Variants in PDE2A observed in about 807,000 individuals in gnomAD.
PDE2A encodes cGMP-dependent 3',5'-cyclic phosphodiesterase.
A neutral mutation model predicts 133.6 loss-of-function variants in PDE2A; 53 were observed. That is an observed-to-expected ratio of 0.40 (90% confidence interval 0.32 to 0.50). PDE2A has a LOEUF of 0.50. Among genes scored for constraint, PDE2A ranks in the 20% least tolerant of loss-of-function variants. The pLI is 0.73. For synonymous variants in PDE2A, 491 were observed against 490.2 expected (o/e 1.00, Z -0.02); for missense variants, 796 against 1,232.4 (o/e 0.65, Z 5.30).
chr11:72,595,455 G>A (rs534713284), intron 6 of PDE2A, among the ~76,000 whole-genome samples: 4 of 152,090 alleles, frequency 2.6e-5, no homozygotes, highest in East Asian at 1.9e-4. Flanking sequence ...ACCAAGCAGC[G>A]GCCTTGGCTC....
chr11:72,604,172 G>A (rs1045871275), intron 4 of PDE2A, among the ~76,000 whole-genome samples: 3 of 152,348 alleles, frequency 2.0e-5, no homozygotes, highest in Non-Finnish European at 2.9e-5. Context: ...TCAGTGCTTA[G>A]CAGGCAATGG....
intron 4 of PDE2A, among the ~76,000 whole-genome samples, chr11:72,600,291 G>C (rs1479669875): frequency 6.6e-6 from 1 of 152,182 alleles, no homozygotes; most frequent in Non-Finnish European, 1.5e-5. Context: ...GTCTCAGTGA[G>C]GGTCCTATCA....
intron 1 of PDE2A, among the ~76,000 whole-genome samples, chr11:72,659,912 T>C (rs552153379): frequency 6.6e-6 from 1 of 152,194 alleles, no homozygotes; most frequent in South Asian, 2.1e-4. Flanking sequence ...AAGCATCCCT[T>C]CCCCTGCCTG....
intron 2 of PDE2A, among the ~76,000 whole-genome samples, chr11:72,629,796 G>A (rs1261822028): frequency 6.6e-6 from 1 of 152,186 alleles, no homozygotes; most frequent in African/African-American, 2.4e-5. Context: ...CTTGCTGAAT[G>A]ATCCCTCTGG....
chr11:72,584,418 TC>T, intron 18 of PDE2A, 105 bp from the exon 19 acceptor site: 1 of 1,266,530 alleles, frequency 7.9e-7, no homozygotes, highest in Non-Finnish European at 1.1e-6. Flanking sequence ...GTTACGTACG[TC>T]CCAGGCATGG....
intron 13 of PDE2A, 143 bp from the exon 14 acceptor site, chr11:72,586,324 C>A (rs779755910): frequency 4.7e-6 from 3 of 635,508 alleles, no homozygotes; most frequent in Non-Finnish European, 8.6e-6. Context: ...GGAACAGCTT[C>A]CCACCCCCAT....
In PDE2A at chr11:72,674,242, G is replaced by A. The variant is rs967138209; in HGVS notation, c.-35C>T. On this transcript the variant is annotated 5_prime_UTR_variant, in exon 1 of 31. Coordinates refer to ENST00000334456, the MANE Select transcript of PDE2A (RefSeq NM_002599.5). ...TCGTCCGCCTCCCCAGCCAGACTAA[G>A]GTGGCACCTCGCCCTGTCCCCGCTG... 3 of 1,592,468 alleles carry A rather than the reference G, an allele frequency of 1.9e-6. No individual in the cohort carries two copies. The highest frequency in any genetic ancestry group is 1.7e-6 in the Non-Finnish European group (2 of 1,172,798).
chr11:72,596,626 G>A lies in PDE2A; in HGVS notation c.456C>T (p.Asp152=). ...CAGCTGCCACGGCCCCAGCCTCCTT[G>A]TCCGCTAGCGGCATGACCAGCACTG... ...DTQVLVMPLA[D]KEAGAVAAVI... Residue 152 remains aspartate (D), a synonymous_variant, in exon 6 of 31, where the codon GAC becomes GAT. Transcript: ENST00000334456. 1 of 1,515,512 alleles carries A rather than the reference G, an allele frequency of 6.6e-7. No homozygotes were observed. The highest frequency in any genetic ancestry group is 8.9e-7 in the Non-Finnish European group (1 of 1,124,324). 93.9% of individuals were successfully genotyped at this position (1,515,512 alleles called of 1,614,324 possible).
In PDE2A at chr11:72,641,853, C is replaced by T. The variant is rs1042188839; in HGVS notation, c.144+401G>A. ...GGTGAGGCCGGCTCTGAGGTGGAGT[C>T]CTGGATGACAGCTGGGGGTTCAGGT... On this transcript the variant is annotated intron_variant, in intron 2 of 30. Transcript: ENST00000334456. 2.0e-5 allele frequency among the ~76,000 whole-genome samples: 3 copies of T among 152,154 alleles called. No homozygotes were observed. The South Asian group carries it at 6.2e-4, about 32-fold the overall frequency.
At chr11:72,634,098 C>T (rs1392297312) in intron 2 of PDE2A, among the ~76,000 whole-genome samples, 1 of 152,116 alleles carries the variant, frequency 6.6e-6, no homozygotes, top group Non-Finnish European at 1.5e-5. Context: ...ACCCAGAGAG[C>T]GCCAGAGACG....
intron 2 of PDE2A, among the ~76,000 whole-genome samples, chr11:72,628,619 G>A (rs1005535129): frequency 1.2e-4 from 18 of 152,330 alleles, no homozygotes; most frequent in African/African-American, 3.8e-4. Context: ...GTGAGCCACC[G>A]CTCCCGGCAG....
At chr11:72,579,852 C>T in intron 25 of PDE2A, 1 of 504,072 alleles carries the variant, frequency 2.0e-6, no homozygotes, top group Non-Finnish European at 3.5e-6. Flanking sequence ...AGGGACCCAA[C>T]AAGGTAAGCT....
At chr11:72,605,681 G>T (rs754063517) in intron 3 of PDE2A, among the ~76,000 whole-genome samples, 18 of 152,216 alleles carry the variant, frequency 1.2e-4, no homozygotes, top group Non-Finnish European at 2.5e-4. Context: ...ACCTCTACAA[G>T]AAACCACACA....
At chr11:72,645,817 T>C (rs1859115382) in intron 1 of PDE2A, among the ~76,000 whole-genome samples, 1 of 152,228 alleles carries the variant, frequency 6.6e-6, no homozygotes, top group Non-Finnish European at 1.5e-5. Context: ...GCCTCACATT[T>C]CATCTTCTCA....
intron 2 of PDE2A, among the ~76,000 whole-genome samples, chr11:72,628,990 G>A (rs1858232142): frequency 6.6e-6 from 1 of 152,246 alleles, no homozygotes; most frequent in Non-Finnish European, 1.5e-5. Context: ...GGTGCTGGCA[G>A]GACCCAGAAA....
intron 2 of PDE2A, among the ~76,000 whole-genome samples, chr11:72,622,714 C>T (rs190256352): frequency 9.2e-5 from 14 of 152,156 alleles, no homozygotes; most frequent in African/African-American, 2.7e-4. Flanking sequence ...TGGGGGCTGT[C>T]GTTTAATAGG....
At chr11:72,579,506 A>AACCCCCC in intron 26 of PDE2A, 28 bp downstream of exon 26, 1 of 1,555,602 alleles carries the variant, frequency 6.4e-7, no homozygotes, top group Non-Finnish European at 8.8e-7. Flanking sequence ...CTCCCCCTCA[A>AACCCCCC]TCCCCACCCC....
chr11:72,673,416 C>A (rs1328062695), intron 1 of PDE2A, among the ~76,000 whole-genome samples: 2 of 151,466 alleles, frequency 1.3e-5, no homozygotes, highest in Non-Finnish European at 2.9e-5. Context: ...CACACACACA[C>A]ACATACCCTG....
intron 13 of PDE2A, chr11:72,587,678 AT>A (rs1856038998): frequency 6.6e-6 from 1 of 152,106 alleles, no homozygotes; most frequent in Non-Finnish European, 1.5e-5. Context: ...AGTGCTCAAT[AT>A]TTGTTTGCTG....
Sources: allele counts gnomAD v4.1 joint callset (sites outside exome capture counted in the v4.1 genomes callset), GRCh38; gene constraint gnomAD v4.1.1; transcripts MANE v1.5; gene names NCBI Gene and HGNC (gene_info 2026-07-23, HGNC 2026-07-21).